LYST: variants seen among roughly 807,000 people sequenced by gnomAD.
LYST encodes lysosomal-trafficking regulator.
Under a neutral mutation model 413.6 loss-of-function variants are expected in LYST, and 192 were observed. That is an observed-to-expected ratio of 0.46 (90% CI 0.41 to 0.52). LYST has a LOEUF of 0.52. Among genes scored for constraint, LYST ranks in the 20% least tolerant of loss-of-function variants. The probability of loss-of-function intolerance (pLI) is 0.00; values close to 1 mark genes in which losing one functional copy is unlikely to be tolerated. For missense variants in LYST, 3,815 were observed against 4,499.9 expected (o/e 0.85, Z 4.35); for synonymous variants, 1,525 against 1,567.3 (o/e 0.97, Z 0.64).
chr1:235,707,172 T>C (rs555663139), intron 44 of LYST, among the ~76,000 whole-genome samples: 6 of 152,332 alleles, frequency 3.9e-5, no homozygotes, highest in African/African-American at 1.4e-4. Flanking sequence ...GGCAGGCCCA[T>C]CTACCTTGGA....
In LYST at chr1:235,762,855, G is replaced by T. The variant is rs1446747377; in HGVS notation, c.6122-4C>A. 1 of 1,612,338 alleles carries T rather than the reference G, an allele frequency of 6.2e-7. No individual in the cohort carries two copies. Among genetic ancestry groups the T allele is most frequent in the Non-Finnish European group, 8.5e-7 (1 of 1,179,210 alleles). ...TTCTCCTGAAAGATCTTGCCATCTA[G>T]AATCCAAATTTTTTTTGAAACAGCA... On this transcript the variant is annotated splice_polypyrimidine_tract_variant and splice_region_variant and intron_variant, in intron 21 of 52. Transcript: ENST00000389793.
At position 235,662,928 on chromosome 1, in the gene LYST, G is replaced by T. The variant is rs2103004056; in HGVS notation, c.*12C>A. 1 of 1,427,792 alleles carries T rather than the reference G, an allele frequency of 7.0e-7. No homozygotes were observed. The highest frequency in any genetic ancestry group is 9.9e-7 in the Non-Finnish European group (1 of 1,009,568). 88.4% of individuals were successfully genotyped at this position (1,427,792 alleles called of 1,614,324 possible). A position where few individuals can be genotyped will look rare whatever the true frequency, so the allele number is the denominator to read the frequency against. On this transcript the variant is annotated 3_prime_UTR_variant, in exon 53 of 53. Transcript: ENST00000389793. ...GTTAAAGTGCTTTGGAGAACGTGAA[G>T]TTCATTCGCATTCACCCGGCTGCAT... is the stretch of plus-strand genomic sequence containing the variant.
At chr1:235,705,022 ATT>A (rs1210558157) in intron 44 of LYST, among the ~76,000 whole-genome samples, 2 of 152,186 alleles carry the variant, frequency 1.3e-5, no homozygotes, top group Non-Finnish European at 1.5e-5. Flanking sequence ...GTTAACATTT[ATT>A]TGTGCTTAAT....
chr1:235,722,202 G>A (rs570173240), intron 39 of LYST, among the ~76,000 whole-genome samples: 7 of 152,334 alleles, frequency 4.6e-5, no homozygotes, highest in East Asian at 1.9e-4. Context: ...AGACAATGAC[G>A]TCAGAGAGGT....
At chr1:235,754,490 G>A (rs1025416033) in intron 25 of LYST, among the ~76,000 whole-genome samples, 2 of 152,016 alleles carry the variant, frequency 1.3e-5, no homozygotes, top group Non-Finnish European at 2.9e-5. Flanking sequence ...CTCCCAAAGT[G>A]TTGGGAGTAC....
At chr1:235,812,504 C>T (rs1425638699) in intron 4 of LYST, among the ~76,000 whole-genome samples, 1 of 141,294 alleles carries the variant, frequency 7.1e-6, no homozygotes, top group Non-Finnish European at 1.5e-5. Context: ...GAGACTCTGC[C>T]TAAAAAAAAA....
In LYST at chr1:235,751,244, A is replaced by T. The variant is rs1666465089; in HGVS notation, c.7746T>A (p.His2582Gln). Residue 2582 changes from histidine to glutamine, a missense_variant, in exon 28 of 53, where the codon CAT becomes CAA. By Grantham distance (24) the His-to-Gln change is conservative. Around this residue, in one of 4 missense-constraint regions of LYST, gnomAD observed 771 missense variants for 837.1 expected, o/e 0.92. Transcript: ENST00000389793. Reference protein sequence around the residue: ...TDSLQSPSAPHHAVVQKRKSI... With the variant: ...TDSLQSPSAPQHAVVQKRKSI... Reference sequence around the variant, plus strand: ...TTTTCCGCTTTTGAACTACTGCATGATGGGGAGCAGAAGGTGACTGGAGTG... The same window carrying T: ...TTTTCCGCTTTTGAACTACTGCATGTTGGGGAGCAGAAGGTGACTGGAGTG... 6.2e-7 allele frequency: 1 copy of T among 1,613,846 alleles called. No homozygotes were observed. The highest frequency in any genetic ancestry group is 1.3e-5 in the African/African-American group (1 of 75,020).
chr1:235,713,722 G>A (rs1324227178), intron 42 of LYST, among the ~76,000 whole-genome samples: 2 of 152,132 alleles, frequency 1.3e-5, no homozygotes, highest in Admixed American at 1.3e-4. Flanking sequence ...TATGCAGCTC[G>A]AAATGACTAC....
At chr1:235,825,031 AAACAACAAC>A (rs534430125) in intron 3 of LYST, among the ~76,000 whole-genome samples, 11 of 151,996 alleles carry the variant, frequency 7.2e-5, no homozygotes, top group Non-Finnish European at 1.3e-4. Context: ...AAAAAAAAGA[AAACAACAAC>A]AACAACAACA....
chr1:235,878,420 C>T (rs1250077977), intron 1 of LYST, among the ~76,000 whole-genome samples: 1 of 152,146 alleles, frequency 6.6e-6, no homozygotes, highest in East Asian at 1.9e-4. Context: ...TCCCACTCTC[C>T]CTGATTCCAC....
intron 3 of LYST, among the ~76,000 whole-genome samples, chr1:235,823,277 A>G (rs1401192049): frequency 1.3e-5 from 2 of 152,220 alleles, no homozygotes; most frequent in East Asian, 1.9e-4. Context: ...AGGAATGCCA[A>G]CATCCCCTAC....
chr1:235,794,085 G>C (rs552966761), intron 10 of LYST, among the ~76,000 whole-genome samples: 1 of 151,964 alleles, frequency 6.6e-6, no homozygotes, highest in Non-Finnish European at 1.5e-5. Context: ...CACCTGCCTC[G>C]GCCTCCCAAA....
rs760957735 is a variant in LYST at position 235,661,311 on chromosome 1, T to C, written c.*1629A>G. The C allele has an allele frequency of 1.3e-5, 2 of 152,574 alleles. No individual in the cohort carries two copies. The highest frequency in any genetic ancestry group is 2.4e-5 in the African/African-American group (1 of 41,434). The allele number at this position is 152,574 out of a possible 1,614,324, so 9.5% of individuals were successfully genotyped here. On this transcript the variant is annotated 3_prime_UTR_variant, in exon 53 of 53. Coordinates refer to ENST00000389793, the MANE Select transcript of LYST (RefSeq NM_000081.4). ...AATTCGGTTTTTAAAAAAAGATGAG[T>C]AGCAACCCTATTCTAATAGGGGACT...
At chr1:235,737,279 G>A (rs1440122159) in intron 31 of LYST, 1 of 152,090 alleles carries the variant, frequency 6.6e-6, no homozygotes, top group Non-Finnish European at 1.5e-5. Flanking sequence ...AGGCAAATAA[G>A]TGATTATGTT....
At chr1:235,776,915 A>T in intron 17 of LYST, 148 bp downstream of exon 17, 1 of 670,584 alleles carries the variant, frequency 1.5e-6, no homozygotes, top group Non-Finnish European at 2.5e-6. Context: ...CAGAAAGCTT[A>T]ATAACATTTT....
intron 44 of LYST, among the ~76,000 whole-genome samples, chr1:235,705,997 TGG>T (rs1661955740): frequency 6.6e-6 from 1 of 152,150 alleles, no homozygotes; most frequent in Admixed American, 6.5e-5. Context: ...TTTGCCATGT[TGG>T]CCAGGCTGGT....
At chr1:235,710,535 G>C (rs777775790) in intron 43 of LYST, among the ~76,000 whole-genome samples, 1 of 152,128 alleles carries the variant, frequency 6.6e-6, no homozygotes, top group African/African-American at 2.4e-5. Flanking sequence ...ACTGACATAC[G>C]AGAGTCCCAG....
chr1:235,848,445 C>G (rs1223835800), intron 1 of LYST, among the ~76,000 whole-genome samples: 3 of 151,930 alleles, frequency 2.0e-5, no homozygotes, highest in Non-Finnish European at 2.9e-5. Context: ...AGAGCACAAT[C>G]TAAGGTCACA....
Position 235,730,853 on chromosome 1 carries a change from G to C in LYST, c.9038C>G (p.Ser3013Cys), listed in dbSNP as rs1483399842. The C allele has an allele frequency of 3.8e-6, 6 of 1,595,744 alleles. No individual in the cohort carries two copies. Among genetic ancestry groups the C allele is most frequent in the Non-Finnish European group, 5.2e-6 (6 of 1,163,536 alleles). The change falls in exon 36 of 53, where the codon TCT becomes TGT. Residue 3013 changes from serine to cysteine, a missense_variant. Around this residue, in one of 4 missense-constraint regions of LYST, gnomAD observed 866 missense variants for 1,156.0 expected, o/e 0.75. Transcript: ENST00000389793. ...STVKDKAASE[S>C]IRVNRRCISV... ...TCTATTGATTCAAAGTTACCTTATAGATTCACTTGCAGCTTTGTCTTTGAC... is the reference window on the plus strand; with the variant it reads ...TCTATTGATTCAAAGTTACCTTATACATTCACTTGCAGCTTTGTCTTTGAC...
Sources: gnomAD v4.1 joint callset for allele counts (sites outside exome capture counted in the v4.1 genomes callset) on GRCh38, gnomAD v4.1.1 for gene constraint, gnomAD v4.1.1 regional missense constraint, MANE v1.5 for transcripts, NCBI Gene and HGNC (gene_info 2026-07-23, HGNC 2026-07-21) for gene names.